The following DHX35 variants were observed in gnomAD, a reference collection of about 807,000 sequenced individuals.
DHX35 encodes probable ATP-dependent RNA helicase DHX35.
DHX35 carries 84 observed loss-of-function variants against 99.6 expected under a neutral mutation model. The observed-to-expected ratio is 0.84, with a 90% confidence interval of 0.71 to 1.01. The LOEUF (loss-of-function observed/expected upper bound fraction) is 1.01, where lower values mean the gene tolerates loss of function less well. Among genes scored for constraint, DHX35 ranks in the 50% least tolerant of loss-of-function variants. The pLI is 0.00. For synonymous variants in DHX35, 331 were observed against 316.2 expected (o/e 1.05, Z -0.50); for missense variants, 852 against 888.5 (o/e 0.96, Z 0.52).
chr20:38,985,631 G>GT (rs899252215), intron 4 of DHX35, among the ~76,000 whole-genome samples: 44 of 152,234 alleles, frequency 2.9e-4, no homozygotes, highest in African/African-American at 9.4e-4. Flanking sequence ...TGGAAACCAA[G>GT]TTGCAAATGC....
At chr20:39,000,504 A>C (rs1011382077) in intron 8 of DHX35, among the ~76,000 whole-genome samples, 2 of 152,242 alleles carry the variant, frequency 1.3e-5, no homozygotes, top group African/African-American at 4.8e-5. Context: ...GGAATTCTGC[A>C]TAGCAAAACA....
chr20:39,003,697 G>A (rs377091531), intron 10 of DHX35, 52 bp from the exon 11 acceptor site: 97 of 1,569,608 alleles, frequency 6.2e-5, no homozygotes, highest in Non-Finnish European at 8.3e-5. Flanking sequence ...TGATAAAATA[G>A]CATGCTTTAA....
intron 2 of DHX35, among the ~76,000 whole-genome samples, chr20:38,972,004 G>GTTTTTTTTTTTTTTTT (rs752049458): frequency 7.4e-5 from 6 of 81,042 alleles, no homozygotes; most frequent in African/African-American, 1.9e-4. Flanking sequence ...GTTTTGTTTT[G>GTTTTTTTTTTTTTTTT]TTTTTTTTTT....
intron 18 of DHX35, among the ~76,000 whole-genome samples, chr20:39,027,781 T>A (rs745398653): frequency 6.6e-6 from 1 of 152,108 alleles, no homozygotes; most frequent in Non-Finnish European, 1.5e-5. Context: ...AAAGAGCGAG[T>A]CTTAAAATTG....
Position 39,011,655 on chromosome 20 carries a change from T to C in DHX35, c.1347+1251T>C, listed in dbSNP as rs2086704993. 1.3e-5 allele frequency among the ~76,000 whole-genome samples: 2 copies of C among 152,248 alleles called. 1 individual carries two copies. The highest frequency in any genetic ancestry group is 1.3e-4 in the Admixed American group (2 of 15,286). ...CACCCCCGGCCTCTTTGGTTATTCT[T>C]GCCCTTATGAAGTACTTCTTATATT... On this transcript the variant is annotated intron_variant, in intron 13 of 21. Transcript: ENST00000252011.
chr20:39,034,601 T>G (rs2087116387), intron 21 of DHX35, among the ~76,000 whole-genome samples: 1 of 125,776 alleles, frequency 8.0e-6, no homozygotes, highest in African/African-American at 3.3e-5. Context: ...TTTTTTTTTT[T>G]TTTTTTGAGA....
intron 20 of DHX35, among the ~76,000 whole-genome samples, chr20:39,031,850 C>G (rs2087059565): frequency 6.6e-6 from 1 of 152,144 alleles, no homozygotes; most frequent in African/African-American, 2.4e-5. Context: ...AGAGAAGTAG[C>G]AGGGGCAGAG....
At chr20:39,012,454 T>C (rs2086718637) in intron 13 of DHX35, among the ~76,000 whole-genome samples, 1 of 151,898 alleles carries the variant, frequency 6.6e-6, no homozygotes, top group African/African-American at 2.4e-5. Flanking sequence ...AAATTTCAAC[T>C]ATCATTAGGA....
chr20:39,018,526 A>G (rs1187966139), intron 14 of DHX35, among the ~76,000 whole-genome samples: 4 of 151,766 alleles, frequency 2.6e-5, no homozygotes, highest in Admixed American at 2.0e-4. Context: ...AAGCAGGAGA[A>G]GGCTGCAGGG....
chr20:38,992,451 T>C, intron 7 of DHX35, 26 bp downstream of exon 7: 1 of 1,610,352 alleles, frequency 6.2e-7, no homozygotes. Context: ...CAGCTTTTCA[T>C]TGTGTGTGTT....
chr20:39,011,378 C>T (rs1010327588), intron 13 of DHX35, among the ~76,000 whole-genome samples: 1 of 152,046 alleles, frequency 6.6e-6, no homozygotes, highest in Admixed American at 6.5e-5. Flanking sequence ...CTCTGTAGCC[C>T]AGGCTGGAGT....
Position 38,983,734 on chromosome 20 carries a change from A to G in DHX35, c.303A>G (p.Arg101=), listed in dbSNP as rs1456231774. 1.2e-6 allele frequency: 2 copies of G among 1,614,080 alleles called. No individual in the cohort carries two copies. The highest frequency in any genetic ancestry group is 1.1e-5 in the South Asian group (1 of 91,084). The stretch of plus-strand genomic sequence containing the variant: ...AAGCCGGCTGGACAGCTGAAGGAAG[A>G]GTGGTAGGAGTGACCCAGCCTCGAA... ...LAEAGWTAEG[R]VVGVTQPRRV... Residue 101 remains arginine, a synonymous_variant, in exon 4 of 22, where the codon AGA becomes AGG. Transcript: ENST00000252011.
intron 21 of DHX35, among the ~76,000 whole-genome samples, chr20:39,036,577 T>A (rs2087154286): frequency 6.6e-6 from 1 of 151,448 alleles, no homozygotes; most frequent in African/African-American, 2.4e-5. Context: ...AATACAAAAA[T>A]TAGCCGGGCA....
intron 1 of DHX35, among the ~76,000 whole-genome samples, chr20:38,965,095 A>T (rs561162554): frequency 1.0e-3 from 136 of 131,800 alleles, no homozygotes; most frequent in Admixed American, 1.8e-3. Context: ...GGAGCCAGGC[A>T]TCAGTGTTTT....
At chr20:38,969,317 T>C (rs567679699) in intron 2 of DHX35, 103 bp downstream of exon 2, 1 of 1,358,532 alleles carries the variant, frequency 7.4e-7, no homozygotes, top group Non-Finnish European at 9.8e-7. Context: ...TAGAACACAG[T>C]GAGCTCAGAG....
chr20:38,962,767 T>G (rs1185390203), intron 1 of DHX35: 1 of 284,024 alleles, frequency 3.5e-6, no homozygotes, highest in Non-Finnish European at 6.7e-6. Flanking sequence ...CGACAGACAA[T>G]GCTGCTCGCT....
chr20:39,025,445 G>A (rs2086942844), intron 18 of DHX35, 86 bp downstream of exon 18: 40 of 1,528,528 alleles, frequency 2.6e-5, no homozygotes, highest in South Asian at 1.0e-4. Context: ...GGGCTGGTGC[G>A]AGGCAGTGTG....
chr20:38,998,587 A>G (rs1381000774), intron 8 of DHX35, among the ~76,000 whole-genome samples: 3 of 152,162 alleles, frequency 2.0e-5, no homozygotes, highest in Admixed American at 1.3e-4. Context: ...CTGTATGTCA[A>G]TGTGACCCCA....
intron 18 of DHX35, among the ~76,000 whole-genome samples, chr20:39,026,786 C>T (rs923481441): frequency 4.6e-5 from 7 of 152,092 alleles, no homozygotes; most frequent in Middle Eastern, 6.3e-3. Context: ...GAGTTGAAAC[C>T]TGGGCCATTG....
Sources: allele counts gnomAD v4.1 joint callset (sites outside exome capture counted in the v4.1 genomes callset), GRCh38; gene constraint gnomAD v4.1.1; transcripts MANE v1.5; gene names NCBI Gene and HGNC (gene_info 2026-07-23, HGNC 2026-07-21).